Variants in NECAB2 observed in about 807,000 individuals in gnomAD.
NECAB2 encodes N-terminal EF-hand calcium binding protein 2, also known as N-terminal EF-hand calcium-binding protein 2.
Under a neutral mutation model 51.9 loss-of-function variants are expected in NECAB2, and 68 were observed. The ratio of observed to expected loss-of-function variants is 1.31; its 90% CI spans 1.08 to 1.60. The LOEUF is 1.60. Among genes scored for constraint, NECAB2 ranks in the 40% most tolerant of loss-of-function variants. NECAB2 has a pLI of 0.00. For missense variants in NECAB2, 854 were observed against 490.3 expected, an observed-to-expected ratio of 1.74 and a Z score of -7.00; for synonymous variants, 329 against 203.5, an observed-to-expected ratio of 1.62 and a Z score of -5.25.
intron 12 of NECAB2, 122 bp from the exon 13 acceptor site, chr16:84,002,196 G>C (rs1430750781): frequency 1.2e-5 from 15 of 1,265,144 alleles, no homozygotes; most frequent in Non-Finnish European, 1.4e-5. Flanking sequence ...GACCAGCAAG[G>C]ACCTGTGTGT....
chr16:84,001,301 C>T (rs757432102), intron 11 of NECAB2, among the ~76,000 whole-genome samples: 1 of 152,044 alleles, frequency 6.6e-6, no homozygotes, highest in Non-Finnish European at 1.5e-5. Context: ...GAGACTATTG[C>T]TGATGCGCCA....
intron 5 of NECAB2, among the ~76,000 whole-genome samples, chr16:83,986,726 C>T (rs2084562189): frequency 6.9e-6 from 1 of 144,762 alleles, no homozygotes; most frequent in Non-Finnish European, 1.5e-5. Context: ...CCCTATTTTG[C>T]TTAGACTAGT....
chr16:83,990,590 A>G lies in NECAB2; in HGVS notation c.556A>G (p.Ser186Gly), dbSNP rs1390393348. ...QIQSLLSSVESAVEAIEEQTS... is the reference protein window; with the variant it reads ...QIQSLLSSVEGAVEAIEEQTS... ...CCAGTCGCTGCTGAGCTCAGTGGAG[A>G]GTGCGGTGGAGGCCATCGAGGAACA... is the stretch of plus-strand genomic sequence containing the variant. The change falls in exon 6 of 13, where the codon AGT (serine) becomes GGT (glycine). Residue 186 changes from serine to glycine, a missense_variant. Transcript: ENST00000305202. The G allele has an allele frequency of 1.2e-6, 2 of 1,614,050 alleles. No homozygotes were observed. Among genetic ancestry groups the G allele is most frequent in the South Asian group, 1.1e-5 (1 of 91,076 alleles).
intron 3 of NECAB2, among the ~76,000 whole-genome samples, chr16:83,980,051 C>A (rs534047189): frequency 1.3e-5 from 2 of 152,340 alleles, no homozygotes; most frequent in African/African-American, 2.4e-5. Context: ...TTCACTGGGC[C>A]ACAGAAGCCT....
At chr16:83,969,699 G>A (rs71404126) in intron 1 of NECAB2, among the ~76,000 whole-genome samples, 1 of 151,220 alleles carries the variant, frequency 6.6e-6, no homozygotes, top group African/African-American at 2.4e-5. Context: ...TCTCCCAGCA[G>A]AGAGTGCTAG....
intron 8 of NECAB2, among the ~76,000 whole-genome samples, chr16:83,996,213 TC>T (rs2084696375): frequency 6.6e-6 from 1 of 152,190 alleles, no homozygotes; most frequent in African/African-American, 2.4e-5. Flanking sequence ...CTATGGCTTT[TC>T]CAGCCCCAGG....
upstream of NECAB2, among the ~76,000 whole-genome samples, chr16:83,967,208 T>C (rs2084290592): frequency 6.6e-6 from 1 of 152,096 alleles, no homozygotes; most frequent in Non-Finnish European, 1.5e-5. Context: ...GTTTGTGGAA[T>C]CATTTCAGTG....
intron 5 of NECAB2, among the ~76,000 whole-genome samples, chr16:83,982,042 T>A (rs963807267): frequency 1.3e-5 from 2 of 152,196 alleles, no homozygotes. Context: ...ATCCACCTTA[T>A]GAATTACGAA....
At chr16:83,980,809 G>C in intron 3 of NECAB2, 30 bp from the exon 4 acceptor site, 1 of 1,561,750 alleles carries the variant, frequency 6.4e-7, no homozygotes, top group Non-Finnish European at 8.7e-7. Flanking sequence ...CTCTGTCTCT[G>C]TCTGTCTCTG....
chr16:83,994,621 C>A lies in NECAB2; in HGVS notation c.728C>A (p.Ala243Glu). Residue 243 changes from alanine to glutamate, a missense_variant, in exon 8 of 13, where the codon GCA (alanine) becomes GAA (glutamate). Ala to Glu is a moderately radical substitution (Grantham distance 107, BLOSUM62 -1). Transcript: ENST00000305202. ...TTCTCTACCGCAGCCACGGAGGATG[C>A]AAAGGAAGAGGGTCTGGAAGCCCAG... ...GKTLPSATED[A>E]KEEGLEAQIS... 6.2e-7 allele frequency: 1 copy of A among 1,614,050 alleles called. No individual in the cohort carries two copies. The highest frequency in any genetic ancestry group is 2.2e-5 in the East Asian group (1 of 44,880).
At chr16:83,967,441 G>GA (rs2151081493), upstream of NECAB2, among the ~76,000 whole-genome samples, 2 of 121,620 alleles carry the variant, frequency 1.6e-5, no homozygotes, top group Non-Finnish European at 1.7e-5. Flanking sequence ...ATGGGAGGAT[G>GA]GTGGGTGGGT....
At position 83,968,539 on chromosome 16, in the gene NECAB2, G is replaced by A. The variant is rs1199411726; in HGVS notation, c.-110G>A. 4.5e-6 allele frequency: 4 copies of A among 880,956 alleles called. No individual in the cohort carries two copies. Among genetic ancestry groups the A allele is most frequent in the South Asian group, 1.0e-4 (2 of 19,844 alleles). The allele number at this position is 880,956 out of a possible 1,614,324, so 54.6% of individuals were successfully genotyped here. ...GGTGTCCGCGGCCGCGGGGGCAGCG[G>A]GAGAGAGGGCGGGGCGGCGCGGGCA... is the stretch of plus-strand genomic sequence containing the variant. On this transcript the variant is annotated 5_prime_UTR_variant, in exon 1 of 13. Transcript: ENST00000305202.
chr16:83,973,670 C>G (rs553296681), intron 2 of NECAB2, among the ~76,000 whole-genome samples: 2 of 152,278 alleles, frequency 1.3e-5, no homozygotes, highest in African/African-American at 4.8e-5. Context: ...CCTGGCTCCT[C>G]CAGCAGGTTG....
chr16:83,965,368 C>A, upstream of NECAB2: 1 of 1,570,686 alleles, frequency 6.4e-7, no homozygotes, highest in Non-Finnish European at 8.6e-7. Context: ...TGCCCTTCAT[C>A]CACCATGAGC....
chr16:83,993,620 CTGTGTGTG>C (rs57610964), intron 6 of NECAB2: 3,633 of 135,398 alleles, frequency 0.027, 112 homozygotes, highest in African/African-American at 0.078. Context: ...GCAAGGTGAG[CTGTGTGTG>C]TGTGTGTGTG....
intron 5 of NECAB2, among the ~76,000 whole-genome samples, chr16:83,981,713 A>G (rs533981462): frequency 6.6e-6 from 1 of 152,184 alleles, no homozygotes; most frequent in East Asian, 1.9e-4. Flanking sequence ...GGCAATAGGC[A>G]TGGGAGTGTA....
chr16:83,998,801 T>TCTCCTCCTC (rs1555549549), intron 10 of NECAB2, among the ~76,000 whole-genome samples: 15 of 151,706 alleles, frequency 9.9e-5, no homozygotes, highest in Non-Finnish European at 1.2e-4. Flanking sequence ...TAGTTGCCCT[T>TCTCCTCCTC]CTCCCCCTGA....
intron 8 of NECAB2, among the ~76,000 whole-genome samples, chr16:83,996,527 C>T (rs573902623): frequency 6.6e-6 from 1 of 152,090 alleles, no homozygotes; most frequent in Admixed American, 6.5e-5. Context: ...GGAGGATGGA[C>T]AGAGATAGCC....
rs140769095 is a variant in NECAB2 at position 84,000,182 on chromosome 16, G to A, written c.963-542G>A. 3.8e-3 allele frequency among the ~76,000 whole-genome samples: 582 copies of A among 152,202 alleles called. 4 individuals carry two copies. Among genetic ancestry groups the A allele is most frequent in the African/African-American group, 0.013 (545 of 41,520 alleles). On this transcript the variant is annotated intron_variant, in intron 10 of 12. Coordinates refer to ENST00000305202, the MANE Select transcript of NECAB2 (RefSeq NM_019065.3). ...TTCCCAAAGTTCTGCGATTACAGGC[G>A]TGAACCATCACATCCAGCCACCTGG... is the stretch of plus-strand genomic sequence containing the variant.
Sources: gnomAD v4.1 joint callset for allele counts (sites outside exome capture counted in the v4.1 genomes callset) on GRCh38, gnomAD v4.1.1 for gene constraint, MANE v1.5 for transcripts, NCBI Gene and HGNC (gene_info 2026-07-23, HGNC 2026-07-21) for gene names.